Variants in SNAP25 observed in about 807,000 individuals in gnomAD.
SNAP25 encodes synaptosome associated protein 25, also known as synaptosomal-associated protein 25.
SNAP25 carries 3 observed loss-of-function variants against 28.7 expected under a neutral mutation model. That is an observed-to-expected ratio of 0.10 (90% CI 0.05 to 0.27). SNAP25 has a LOEUF of 0.27. Ranked by LOEUF, SNAP25 falls within the 10% of genes least tolerant of loss-of-function variation. SNAP25 has a pLI of 1.00. For missense variants in SNAP25, 117 were observed against 278.7 expected, an observed-to-expected ratio of 0.42 and a Z score of 4.13; for synonymous variants, 61 against 88.1, an observed-to-expected ratio of 0.69 and a Z score of 1.72.
At chr20:10,226,416 C>T (rs1328040190) in intron 1 of SNAP25, among the ~76,000 whole-genome samples, 1 of 152,136 alleles carries the variant, frequency 6.6e-6, no homozygotes, top group African/African-American at 2.4e-5. Flanking sequence ...GCTATTATGG[C>T]ATTCTTCATT....
At chr20:10,273,779 C>T (rs1219445546) in intron 1 of SNAP25, among the ~76,000 whole-genome samples, 3 of 152,216 alleles carry the variant, frequency 2.0e-5, no homozygotes, top group Admixed American at 6.5e-5. Context: ...TTAAAGTGCA[C>T]AGTTGACCAT....
At chr20:10,220,412 A>G (rs2062607941) in intron 1 of SNAP25, among the ~76,000 whole-genome samples, 1 of 152,204 alleles carries the variant, frequency 6.6e-6, no homozygotes, top group South Asian at 2.1e-4. Flanking sequence ...GATTTTGACA[A>G]TATTAAGACT....
At chr20:10,294,357 T>G (rs547162113) in intron 5 of SNAP25, among the ~76,000 whole-genome samples, 10 of 152,114 alleles carry the variant, frequency 6.6e-5, no homozygotes, top group Non-Finnish European at 1.5e-4. Flanking sequence ...TGCAAAAAAA[T>G]TAAAAAATTC....
At chr20:10,222,557 G>A (rs1172811468) in intron 1 of SNAP25, among the ~76,000 whole-genome samples, 1 of 152,212 alleles carries the variant, frequency 6.6e-6, no homozygotes, top group Admixed American at 6.5e-5. Flanking sequence ...TGCAGAGTTG[G>A]AGCCTTCTGT....
intron 4 of SNAP25, among the ~76,000 whole-genome samples, chr20:10,291,785 C>T (rs2064004080): frequency 6.6e-6 from 1 of 152,160 alleles, no homozygotes; most frequent in Non-Finnish European, 1.5e-5. Context: ...GGCATGCATG[C>T]ATGAAAATAC....
At chr20:10,247,143 G>A (rs138715153) in intron 1 of SNAP25, among the ~76,000 whole-genome samples, 5 of 152,288 alleles carry the variant, frequency 3.3e-5, no homozygotes, top group African/African-American at 7.2e-5. Context: ...GCAATTTCTC[G>A]ATGGCAAATG....
chr20:10,230,434 G>A (rs1345164953), intron 1 of SNAP25, among the ~76,000 whole-genome samples: 1 of 152,128 alleles, frequency 6.6e-6, no homozygotes, highest in Admixed American at 6.5e-5. Flanking sequence ...GATCTCAAGT[G>A]CAATGACCTT....
intron 1 of SNAP25, among the ~76,000 whole-genome samples, chr20:10,222,283 G>A (rs1028941774): frequency 6.6e-6 from 1 of 152,218 alleles, no homozygotes; most frequent in Non-Finnish European, 1.5e-5. Context: ...GAGGACATAT[G>A]TGATTAATTT....
intron 1 of SNAP25, among the ~76,000 whole-genome samples, chr20:10,263,540 C>G (rs1027201324): frequency 6.6e-6 from 1 of 152,294 alleles, no homozygotes; most frequent in Non-Finnish European, 1.5e-5. Flanking sequence ...TGGGGTCTTT[C>G]TGTTTGGTCT....
chr20:10,255,782 T>C (rs1358939498), intron 1 of SNAP25, among the ~76,000 whole-genome samples: 3 of 152,330 alleles, frequency 2.0e-5, no homozygotes, highest in South Asian at 4.1e-4. Context: ...TAATATGGCT[T>C]TGATAACTTT....
Position 10,306,234 on chromosome 20 carries a change from G to A in SNAP25, c.*37G>A. 1 of 1,590,058 alleles carries A rather than the reference G, an allele frequency of 6.3e-7. No homozygotes were observed. The highest frequency in any genetic ancestry group is 8.6e-7 in the Non-Finnish European group (1 of 1,158,930). ...CGTGTTCTCCTCCAAATGCTGTCGG[G>A]CAAGATAGCTCCTTCATGCTTTTCT... On this transcript the variant is annotated 3_prime_UTR_variant, in exon 8 of 8. Coordinates refer to ENST00000254976, the MANE Select transcript of SNAP25 (RefSeq NM_130811.4).
chr20:10,227,498 G>C (rs1191238500), intron 1 of SNAP25, among the ~76,000 whole-genome samples: 1 of 152,074 alleles, frequency 6.6e-6, no homozygotes, highest in Non-Finnish European at 1.5e-5. Flanking sequence ...AGGAATTGTT[G>C]TGTACCCTTG....
chr20:10,299,504 A>C, intron 7 of SNAP25, 92 bp downstream of exon 7: 1 of 1,313,884 alleles, frequency 7.6e-7, no homozygotes, highest in Non-Finnish European at 1.0e-6. Flanking sequence ...TCCTCAAAAC[A>C]CGACCTTGGA....
intron 1 of SNAP25, among the ~76,000 whole-genome samples, chr20:10,237,692 G>A (rs1417907531): frequency 6.6e-6 from 1 of 152,128 alleles, no homozygotes; most frequent in Non-Finnish European, 1.5e-5. Context: ...ACAACATGCA[G>A]GGTATTATTA....
At chr20:10,291,476 G>A (rs925970595) in intron 4 of SNAP25, among the ~76,000 whole-genome samples, 2 of 152,076 alleles carry the variant, frequency 1.3e-5, no homozygotes, top group Admixed American at 1.3e-4. Flanking sequence ...ATTCAATGCT[G>A]GATAAACAAT....
intron 4 of SNAP25, among the ~76,000 whole-genome samples, chr20:10,285,145 A>C (rs2063851451): frequency 6.6e-6 from 1 of 152,180 alleles, no homozygotes; most frequent in Non-Finnish European, 1.5e-5. Context: ...CAATACGTAG[A>C]TAGAATGAGC....
intron 1 of SNAP25, among the ~76,000 whole-genome samples, chr20:10,236,005 T>G (rs771501918): frequency 6.6e-6 from 1 of 152,218 alleles, no homozygotes; most frequent in Non-Finnish European, 1.5e-5. Flanking sequence ...TTATGGATTT[T>G]GGGAGGGGAA....
At chr20:10,280,795 CCTT>C (rs2063765967) in intron 3 of SNAP25, among the ~76,000 whole-genome samples, 1 of 152,200 alleles carries the variant, frequency 6.6e-6, no homozygotes, top group Admixed American at 6.5e-5. Flanking sequence ...GTTTTAGCAT[CCTT>C]CTTTTTATGC....
intron 7 of SNAP25, among the ~76,000 whole-genome samples, chr20:10,301,638 C>T (rs1346745005): frequency 2.0e-5 from 3 of 151,928 alleles, no homozygotes; most frequent in Non-Finnish European, 4.4e-5. Flanking sequence ...ATGTTTCTCT[C>T]ATAATCTCTC....
Sources: allele counts gnomAD v4.1 joint callset (sites outside exome capture counted in the v4.1 genomes callset), GRCh38; gene constraint gnomAD v4.1.1; transcripts MANE v1.5; gene names NCBI Gene and HGNC (gene_info 2026-07-23, HGNC 2026-07-21).